The following NTNG1 variants were observed in gnomAD, a reference collection of about 807,000 sequenced individuals.
NTNG1 encodes the protein netrin G1.
Under a neutral mutation model 54.0 loss-of-function variants are expected in NTNG1, and 16 were observed. The observed-to-expected ratio is 0.30, with a 90% CI of 0.20 to 0.45. The LOEUF (loss-of-function observed/expected upper bound fraction) is 0.45, where lower values mean the gene tolerates loss of function less well. NTNG1 is among the 20% of genes least tolerant of loss of function. The pLI, the probability that NTNG1 is intolerant of heterozygous loss-of-function variation, is 1.00. For missense variants in NTNG1, 530 were observed against 678.7 expected (o/e 0.78, Z 2.43); for synonymous variants, 255 against 263.1 (o/e 0.97, Z 0.30).
chr1:107,277,825 A>G (rs550363092), intron 2 of NTNG1, among the ~76,000 whole-genome samples: 12 of 152,344 alleles, frequency 7.9e-5, no homozygotes, highest in South Asian at 2.1e-4. Context: ...GTTTTAAATG[A>G]CAAGCCTTTT....
intron 3 of NTNG1, among the ~76,000 whole-genome samples, chr1:107,376,424 A>C (rs1671262714): frequency 6.6e-6 from 1 of 150,800 alleles, no homozygotes; most frequent in Admixed American, 6.6e-5. Flanking sequence ...AAACAAAAAA[A>C]AAAACAAAAA....
At chr1:107,162,246 G>C (rs1655459978) in intron 2 of NTNG1, among the ~76,000 whole-genome samples, 1 of 152,122 alleles carries the variant, frequency 6.6e-6, no homozygotes, top group African/African-American at 2.4e-5. Flanking sequence ...GGACTGTAGA[G>C]TATGAACATT....
At chr1:107,337,395 G>C (rs1668647141) in intron 3 of NTNG1, among the ~76,000 whole-genome samples, 1 of 151,984 alleles carries the variant, frequency 6.6e-6, no homozygotes, top group African/African-American at 2.4e-5. Flanking sequence ...CAACTTATAT[G>C]AGTGTCCTAG....
chr1:107,445,400 T>A (rs1039303971), intron 7 of NTNG1, among the ~76,000 whole-genome samples: 8 of 152,270 alleles, frequency 5.3e-5, no homozygotes, highest in African/African-American at 1.7e-4. Flanking sequence ...ATGGACTTAT[T>A]TCTAGTAAAG....
chr1:107,204,489 G>T, intron 2 of NTNG1, among the ~76,000 whole-genome samples: 1 of 152,030 alleles, frequency 6.6e-6, no homozygotes, highest in East Asian at 1.9e-4. Context: ...AGGGAGTGGG[G>T]CCTAGCTGAT....
At chr1:107,306,975 T>C (rs1167369050) in intron 2 of NTNG1, among the ~76,000 whole-genome samples, 1 of 152,176 alleles carries the variant, frequency 6.6e-6, no homozygotes, top group African/African-American at 2.4e-5. Flanking sequence ...GTGGATTCAG[T>C]CTTGTGTTTG....
intron 2 of NTNG1, among the ~76,000 whole-genome samples, chr1:107,226,279 C>T (rs1173637765): frequency 1.3e-5 from 2 of 152,098 alleles, no homozygotes; most frequent in East Asian, 1.9e-4. Flanking sequence ...AGATGTTAAA[C>T]GCTAAATGCA....
chr1:107,325,227 G>A lies in NTNG1; in HGVS notation c.887+305G>A, dbSNP rs567394159. On this transcript the variant is annotated intron_variant, in intron 3 of 7. Coordinates refer to ENST00000370068, the MANE Select transcript of NTNG1 (RefSeq NM_001113226.3). ...CTTTAAGGCAATGAAGCCAGGGGAA[G>A]CAAAACCATTTGCCCTATAACGAAC... Among the ~76,000 whole-genome samples, 13 of 152,204 alleles carry A rather than the reference G, an allele frequency of 8.5e-5. 1 individual carries two copies. The East Asian group carries it at 2.5e-3, about 29-fold the overall frequency.
intron 4 of NTNG1, among the ~76,000 whole-genome samples, chr1:107,400,742 G>A (rs868150933): frequency 1.7e-4 from 25 of 151,292 alleles, no homozygotes; most frequent in African/African-American, 5.3e-4. Context: ...TCTGCCTCCC[G>A]GGTTCAAGTG....
At chr1:107,297,165 A>G (rs1424359609) in intron 2 of NTNG1, among the ~76,000 whole-genome samples, 1 of 144,954 alleles carries the variant, frequency 6.9e-6, no homozygotes, top group Non-Finnish European at 1.5e-5. Context: ...AACATCATAT[A>G]TATAACATCA....
At chr1:107,196,211 A>G (rs75887286) in intron 2 of NTNG1, among the ~76,000 whole-genome samples, 6,987 of 151,874 alleles carry the variant, frequency 0.046, 527 homozygotes, top group African/African-American at 0.16. Flanking sequence ...CTTTGGTGGG[A>G]GTGGGGGCAG....
intron 7 of NTNG1, among the ~76,000 whole-genome samples, chr1:107,442,659 C>T (rs892780137): frequency 6.6e-6 from 1 of 152,090 alleles, no homozygotes; most frequent in Admixed American, 6.6e-5. Context: ...CTAACAATTT[C>T]AGGCTGAACA....
At chr1:107,480,583 C>CCCCCCCCCACAA in intron 7 of NTNG1, 28 bp from the exon 8 acceptor site, 1 of 744,750 alleles carries the variant, frequency 1.3e-6, no homozygotes, top group Non-Finnish European at 2.3e-6. Context: ...CGCGCCCACC[C>CCCCCCCCCACAA]ACCCCTACCT....
intron 7 of NTNG1, among the ~76,000 whole-genome samples, chr1:107,442,965 TA>T (rs1676064984): frequency 6.6e-6 from 1 of 152,124 alleles, no homozygotes; most frequent in Non-Finnish European, 1.5e-5. Context: ...TCTGAGAATA[TA>T]GTAGGTGCAT....
intron 2 of NTNG1, among the ~76,000 whole-genome samples, chr1:107,299,839 G>A (rs1053041635): frequency 3.3e-5 from 5 of 151,616 alleles, no homozygotes; most frequent in Non-Finnish European, 7.4e-5. Context: ...ATCTAATCTT[G>A]TTCTATGTAT....
chr1:107,343,312 C>T (rs1036650632), intron 3 of NTNG1, among the ~76,000 whole-genome samples: 19 of 152,122 alleles, frequency 1.2e-4, no homozygotes, highest in African/African-American at 4.6e-4. Flanking sequence ...AGCAAGCCGC[C>T]ATGATGATCT....
At chr1:107,456,083 C>G (rs1676938896) in intron 7 of NTNG1, among the ~76,000 whole-genome samples, 1 of 152,114 alleles carries the variant, frequency 6.6e-6, no homozygotes, top group Non-Finnish European at 1.5e-5. Flanking sequence ...GGAGGCAGGT[C>G]ATTTCATCTT....
At chr1:107,171,702 C>T (rs1313530399) in intron 2 of NTNG1, among the ~76,000 whole-genome samples, 2 of 152,118 alleles carry the variant, frequency 1.3e-5, no homozygotes, top group Non-Finnish European at 2.9e-5. Context: ...ATCCATTTCT[C>T]TGCCCCTCAC....
chr1:107,435,129 G>C (rs551853838), intron 6 of NTNG1, among the ~76,000 whole-genome samples: 2 of 152,014 alleles, frequency 1.3e-5, no homozygotes, highest in Admixed American at 1.3e-4. Flanking sequence ...CTGCTTACTG[G>C]CTTACAAAAC....
Sources: allele counts gnomAD v4.1 joint callset (sites outside exome capture counted in the v4.1 genomes callset), GRCh38; gene constraint gnomAD v4.1.1; transcripts MANE v1.5; gene names NCBI Gene and HGNC (gene_info 2026-07-23, HGNC 2026-07-21).